Variants in CNTRL observed in about 807,000 individuals in gnomAD.
CNTRL encodes centriolin.
In CNTRL, 233 loss-of-function variants were observed where a neutral mutation model predicts 303.7. That is an observed-to-expected ratio of 0.77 (90% CI 0.69 to 0.86). The LOEUF (loss-of-function observed/expected upper bound fraction) is 0.86, where lower values mean the gene tolerates loss of function less well. Ranked by LOEUF, CNTRL falls within the 40% of genes least tolerant of loss-of-function variation. The pLI is 0.00. For synonymous variants in CNTRL, 900 were observed against 922.2 expected, an observed-to-expected ratio of 0.98 and a Z score of 0.44; for missense variants, 2,524 against 2,650.6, an observed-to-expected ratio of 0.95 and a Z score of 1.05.
rs766161318 is a variant in CNTRL at position 121,169,790 on chromosome 9, C to T, written c.6250C>T (p.Arg2084Trp). ...CCTGAAGGAAGCACTTAAGATCCAG[C>T]GGAGCCAGCTGGAGAAAAACCTTCT... is the stretch of plus-strand genomic sequence containing the variant. ...ASLKEALKIQ[R>W]SQLEKNLLEQ... is the part of the protein sequence containing the mutation. Residue 2084 changes from arginine (R) to tryptophan (W), a missense_variant, in exon 39 of 44, where the codon CGG (arginine) becomes TGG (tryptophan). Physicochemically the swap from Arg to Trp is moderately radical, Grantham distance 101 (BLOSUM62 -3). Coordinates refer to ENST00000373855, the MANE Select transcript of CNTRL (RefSeq NM_007018.6). The T allele has an allele frequency of 1.3e-5, 21 of 1,613,952 alleles. No individual in the cohort carries two copies. Among genetic ancestry groups the T allele is most frequent in the Middle Eastern group, 3.3e-4 (2 of 6,074 alleles).
Position 121,145,342 on chromosome 9 carries a change from A to G in CNTRL, c.3267A>G (p.Thr1089=). ...KLNETMERQR[T]EIARLQNVLD... ...ATGAGACAATGGAACGACAAAGGAC[A>G]GAGATTGCAAGGCTGCAGAATGTAC... The change falls in exon 22 of 44, where the codon ACA becomes ACG. Residue 1089 remains threonine (T), a synonymous_variant. Coordinates refer to ENST00000373855, the MANE Select transcript of CNTRL (RefSeq NM_007018.6). 2 of 1,614,018 alleles carry G rather than the reference A, an allele frequency of 1.2e-6. No individual in the cohort carries two copies. The highest frequency in any genetic ancestry group is 1.7e-6 in the Non-Finnish European group (2 of 1,179,946).
At chr9:121,119,159 T>C in intron 12 of CNTRL, among the ~76,000 whole-genome samples, 1 of 151,938 alleles carries the variant, frequency 6.6e-6, no homozygotes, top group Non-Finnish European at 1.5e-5. Flanking sequence ...AACCTAGGGC[T>C]TGAAGAAGGT....
At chr9:121,090,950 C>T (rs904418749) in intron 4 of CNTRL, among the ~76,000 whole-genome samples, 3 of 152,168 alleles carry the variant, frequency 2.0e-5, no homozygotes, top group East Asian at 1.9e-4. Context: ...GAGCAAGTCA[C>T]GTCTTACATG....
At chr9:121,087,855 A>G (rs1185581373) in intron 2 of CNTRL, among the ~76,000 whole-genome samples, 1 of 152,206 alleles carries the variant, frequency 6.6e-6, no homozygotes, top group Non-Finnish European at 1.5e-5. Flanking sequence ...AAAGGAGTCC[A>G]TGGAGTGGCC....
At chr9:121,077,404 G>A (rs2047967341) in intron 1 of CNTRL, among the ~76,000 whole-genome samples, 1 of 151,538 alleles carries the variant, frequency 6.6e-6, no homozygotes, top group Non-Finnish European at 1.5e-5. Flanking sequence ...ACCACCTCCA[G>A]GCAGTAGCCT....
Position 121,152,501 on chromosome 9 carries a change from G to A in CNTRL, c.3980G>A (p.Arg1327Lys), listed in dbSNP as rs2052333435. The A allele has an allele frequency of 6.2e-7, 1 of 1,613,770 alleles. No individual in the cohort carries two copies. The highest frequency in any genetic ancestry group is 8.5e-7 in the Non-Finnish European group (1 of 1,179,872). ...EHHNLENEVS[R>K]LEDIMQHLKS... is the part of the protein sequence containing the mutation. ...CTCATTCAGGAGAATGAAGTTTCTAGATTAGAAGACATAATGCAGCATTTA... is the reference window on the plus strand; with the variant it reads ...CTCATTCAGGAGAATGAAGTTTCTAAATTAGAAGACATAATGCAGCATTTA... Residue 1327 changes from arginine (R) to lysine (K), a missense_variant, in exon 26 of 44, where the codon AGA (arginine) becomes AAA (lysine). Physicochemically the swap from Arg to Lys is conservative, Grantham distance 26 (BLOSUM62 2). Coordinates refer to ENST00000373855, the MANE Select transcript of CNTRL (RefSeq NM_007018.6).
chr9:121,092,875 C>T lies in CNTRL; in HGVS notation c.349-2013C>T, dbSNP rs555274494. 5.2e-4 allele frequency among the ~76,000 whole-genome samples: 72 copies of T among 137,520 alleles called. 1 individual carries two copies. Among genetic ancestry groups the T allele is most frequent in the Middle Eastern group, 3.7e-3 (1 of 270 alleles). The allele number at this position is 137,520 out of a possible 152,430, so 90.2% of individuals were successfully genotyped here. A position where few individuals can be genotyped will look rare whatever the true frequency, so the allele number is the denominator to read the frequency against. ...AGGCTGGAGTGCAATGGCGTGATCT[C>T]GGCTCACTGCAACATCCTACTCCCT... On this transcript the variant is annotated intron_variant, in intron 4 of 43. Coordinates refer to ENST00000373855, the MANE Select transcript of CNTRL (RefSeq NM_007018.6).
At position 121,162,151 on chromosome 9, in the gene CNTRL, T is replaced by A. The variant is rs1448487186; in HGVS notation, c.5303T>A (p.Ile1768Lys). The A allele has an allele frequency of 6.2e-7, 1 of 1,613,950 alleles. No homozygotes were observed. The highest frequency in any genetic ancestry group is 8.5e-7 in the Non-Finnish European group (1 of 1,180,008). ...CTCCTTGAGAGGGATAAACGAGAAA[T>A]AGAACGAATGACTGCTGAGTCCCGA... ...KQLLERDKRE[I>K]ERMTAESRAL... is the part of the protein sequence containing the mutation. Residue 1768 changes from isoleucine (I) to lysine (K), a missense_variant, in exon 34 of 44, where the codon ATA (isoleucine) becomes AAA (lysine). By Grantham distance (102) the Ile-to-Lys change is moderately radical. Transcript: ENST00000373855.
At chr9:121,147,997 G>C (rs987411248) in intron 23 of CNTRL, among the ~76,000 whole-genome samples, 1 of 152,188 alleles carries the variant, frequency 6.6e-6, no homozygotes, top group South Asian at 2.1e-4. Context: ...CAGAAGACTG[G>C]TGACCCCAGA....
chr9:121,166,067 C>G, intron 35 of CNTRL, 40 bp from the exon 36 acceptor site: 1 of 1,457,582 alleles, frequency 6.9e-7, no homozygotes, highest in Non-Finnish European at 9.6e-7. Flanking sequence ...ACAGTAAATA[C>G]GTATGTATTT....
chr9:121,099,691 A>G (rs1185725643), intron 7 of CNTRL, among the ~76,000 whole-genome samples: 1 of 152,192 alleles, frequency 6.6e-6, no homozygotes, highest in Non-Finnish European at 1.5e-5. Flanking sequence ...TAACTAGAAT[A>G]AACAGCATAG....
At position 121,142,274 on chromosome 9, in the gene CNTRL, G is replaced by A; in HGVS notation, c.2871+4G>A. ...ACTCCGAGAGTTAGAGAAAAAGGTA[G>A]GGGAGACTTAGAAAATGAGACACAT... On this transcript the variant is annotated splice_donor_region_variant and intron_variant, in intron 19 of 43. Transcript: ENST00000373855. 6.3e-7 allele frequency: 1 copy of A among 1,591,322 alleles called. No individual in the cohort carries two copies. Among genetic ancestry groups the A allele is most frequent in the Non-Finnish European group, 8.5e-7 (1 of 1,172,880 alleles).
rs539031643 is a variant in CNTRL, at chr9:121,084,822, G to A, written c.-31-3474G>A. ...GCCTCTCAAAGTGCTGGGATTACAG[G>A]CATGAGCCACTATGCCCGGCTGAGG... On this transcript the variant is annotated intron_variant, in intron 2 of 43. Coordinates refer to ENST00000373855, the MANE Select transcript of CNTRL (RefSeq NM_007018.6). Among the ~76,000 whole-genome samples the A allele has an allele frequency of 9.9e-5, 15 of 152,256 alleles. No individual in the cohort carries two copies. The South Asian group carries it at 2.1e-3, about 21-fold the overall frequency.
At chr9:121,123,212 T>A (rs2050329153) in intron 12 of CNTRL, among the ~76,000 whole-genome samples, 2 of 152,158 alleles carry the variant, frequency 1.3e-5, no homozygotes, top group Non-Finnish European at 2.9e-5. Context: ...TTGTTAGCAT[T>A]TTGGGATATA....
chr9:121,126,037 A>G (rs1445319356), intron 14 of CNTRL, 101 bp downstream of exon 14: 7 of 916,344 alleles, frequency 7.6e-6, no homozygotes, highest in Non-Finnish European at 1.0e-5. Context: ...AGTGGGAAAA[A>G]GTATTAGTGG....
In CNTRL at chr9:121,158,970, C is replaced by T. The variant is rs2052721892; in HGVS notation, c.4880C>T (p.Ala1627Val). 1.2e-6 allele frequency: 2 copies of T among 1,614,070 alleles called. No homozygotes were observed. The highest frequency in any genetic ancestry group is 1.7e-6 in the Non-Finnish European group (2 of 1,180,024). Residue 1627 changes from alanine (A) to valine (V), a missense_variant, in exon 31 of 44, where the codon GCT (alanine) becomes GTT (valine). Physicochemically the swap from Ala to Val is moderately conservative, Grantham distance 64. Coordinates refer to ENST00000373855, the MANE Select transcript of CNTRL (RefSeq NM_007018.6). ...MVQAKADLQE[A>V]LRLGETEVTE... The stretch of plus-strand genomic sequence containing the variant: ...CAGGCAAAAGCTGACCTCCAGGAAG[C>T]TCTGAGACTGGGAGAGACTGAAGTA...
At position 121,160,176 on chromosome 9, in the gene CNTRL, C is replaced by A; in HGVS notation, c.4963C>A (p.Gln1655Lys). 1.3e-6 allele frequency: 2 copies of A among 1,509,050 alleles called. No homozygotes were observed. Among genetic ancestry groups the A allele is most frequent in the South Asian group, 1.4e-5 (1 of 71,388 alleles). The allele number at this position is 1,509,050 out of a possible 1,614,324, so 93.5% of individuals were successfully genotyped here. The change falls in exon 32 of 44, where the codon CAG becomes AAG. Residue 1655 changes from glutamine (Q) to lysine (K), a missense_variant. By Grantham distance (53) the Gln-to-Lys change is moderately conservative. Transcript: ENST00000373855. ...ATCTCTTCTGGAAGAACTGAGTTTTCAGAAAGGAGAACTAAATGTTCAGAT... is the reference window on the plus strand; with the variant it reads ...ATCTCTTCTGGAAGAACTGAGTTTTAAGAAAGGAGAACTAAATGTTCAGAT... ...VKSLLEELSF[Q>K]KGELNVQISE...
chr9:121,089,049 G>T (rs2048456133), intron 3 of CNTRL, among the ~76,000 whole-genome samples: 2 of 152,168 alleles, frequency 1.3e-5, no homozygotes, highest in Admixed American at 6.5e-5. Context: ...AAAGTGCATT[G>T]TTGGGGGTAT....
intron 30 of CNTRL, 152 bp downstream of exon 30, chr9:121,158,261 C>T: frequency 2.2e-6 from 2 of 897,472 alleles, no homozygotes; most frequent in South Asian, 1.8e-5. Context: ...CAACTCAATA[C>T]AATACTTCTG....
Sources: allele counts gnomAD v4.1 joint callset (sites outside exome capture counted in the v4.1 genomes callset), GRCh38; gene constraint gnomAD v4.1.1; transcripts MANE v1.5; gene names NCBI Gene and HGNC (gene_info 2026-07-23, HGNC 2026-07-21).